Variants in DNAH6 observed in about 807,000 individuals in gnomAD.
DNAH6 encodes the protein dynein axonemal heavy chain 6.
A neutral mutation model predicts 491.4 loss-of-function variants in DNAH6; 340 were observed. That is an observed-to-expected ratio of 0.69 (90% CI 0.63 to 0.76). The LOEUF is 0.76. Ranked by LOEUF, DNAH6 falls within the 30% of genes least tolerant of loss-of-function variation. The pLI, the probability that DNAH6 is intolerant of heterozygous loss-of-function variation, is 0.00. For missense variants in DNAH6, 4,443 were observed against 4,972.2 expected (o/e 0.89, Z 3.20); for synonymous variants, 1,603 against 1,686.1 (o/e 0.95, Z 1.21).
intron 39 of DNAH6, among the ~76,000 whole-genome samples, chr2:84,670,773 TAAAC>T (rs1692662965): frequency 6.6e-6 from 1 of 152,212 alleles, no homozygotes; most frequent in Non-Finnish European, 1.5e-5. Flanking sequence ...TTATTTAAAA[TAAAC>T]AAACCTCTGT....
At chr2:84,472,011 C>A in the DNAH6 span, among the ~76,000 whole-genome samples, 1 of 150,290 alleles carries the variant, frequency 6.7e-6, no homozygotes, top group Non-Finnish European at 1.5e-5. Context: ...CCATATAATT[C>A]TTTCCTCTTT....
At chr2:84,780,593 C>T (rs1305543635) in intron 64 of DNAH6, among the ~76,000 whole-genome samples, 4 of 152,152 alleles carry the variant, frequency 2.6e-5, no homozygotes, top group African/African-American at 9.7e-5. Flanking sequence ...CATTGAGTTT[C>T]ATTGCCATCC....
At chr2:84,621,030 G>A (rs143804820) in intron 24 of DNAH6, among the ~76,000 whole-genome samples, 161 bp from the exon 25 acceptor site, 40 of 152,336 alleles carry the variant, frequency 2.6e-4, no homozygotes, top group African/African-American at 9.1e-4. Flanking sequence ...TAGGTGGGGT[G>A]AAAGGAGATA....
At chr2:84,763,597 T>C (rs1216859488) in intron 64 of DNAH6, among the ~76,000 whole-genome samples, 1 of 152,114 alleles carries the variant, frequency 6.6e-6, no homozygotes, top group Non-Finnish European at 1.5e-5. Flanking sequence ...GGTTCCTTCA[T>C]GGAGTGGCTG....
Position 84,670,316 on chromosome 2 carries a change from T to C in DNAH6, c.6307-12T>C, listed in dbSNP as rs1339319281. 6.7e-7 allele frequency: 1 copy of C among 1,495,214 alleles called. No individual in the cohort carries two copies. Among genetic ancestry groups the C allele is most frequent in the African/African-American group, 1.4e-5 (1 of 70,948 alleles). 92.6% of individuals were successfully genotyped at this position (1,495,214 alleles called of 1,614,324 possible). On this transcript the variant is annotated splice_polypyrimidine_tract_variant and intron_variant, in intron 38 of 76. Coordinates refer to ENST00000389394, the MANE Select transcript of DNAH6 (RefSeq NM_001370.2). ...TATTCATGTGACATTAATTAACTTA[T>C]TTTAATTTAAGTCTGTGATTGCAAA...
At chr2:84,619,054 C>T (rs1687143394) in intron 23 of DNAH6, among the ~76,000 whole-genome samples, 1 of 152,158 alleles carries the variant, frequency 6.6e-6, no homozygotes, top group South Asian at 2.1e-4. Context: ...ATTTCCTTTA[C>T]CTATCTTGCT....
At position 84,528,892 on chromosome 2, in the gene DNAH6, G is replaced by A; in HGVS notation, c.400-12G>A. ...GACTCATTTTTTTTTTTCAAAAATT[G>A]GCTTTGTTTAGATTCATCGGCCCTA... On this transcript the variant is annotated splice_polypyrimidine_tract_variant and intron_variant, in intron 3 of 76. Transcript: ENST00000389394. 6.7e-7 allele frequency: 1 copy of A among 1,489,516 alleles called. No homozygotes were observed. The highest frequency in any genetic ancestry group is 8.9e-7 in the Non-Finnish European group (1 of 1,119,298). 92.3% of individuals were successfully genotyped at this position (1,489,516 alleles called of 1,614,324 possible).
intron 69 of DNAH6, among the ~76,000 whole-genome samples, chr2:84,796,980 T>A (rs1312358369): frequency 6.6e-6 from 1 of 152,220 alleles, no homozygotes; most frequent in African/African-American, 2.4e-5. Flanking sequence ...AGATTAATTG[T>A]CCTGAGTGAT....
At chr2:84,748,858 G>C (rs769691844) in intron 63 of DNAH6, among the ~76,000 whole-genome samples, 1 of 152,204 alleles carries the variant, frequency 6.6e-6, no homozygotes, top group Non-Finnish European at 1.5e-5. Context: ...AGTTCTGCAA[G>C]CTGTACAAGT....
intron 37 of DNAH6, among the ~76,000 whole-genome samples, chr2:84,664,840 A>G (rs1238136149): frequency 6.6e-6 from 1 of 152,262 alleles, no homozygotes; most frequent in Non-Finnish European, 1.5e-5. Flanking sequence ...TTGGCCACAT[A>G]GGTGGAAGTA....
intron 29 of DNAH6, 89 bp downstream of exon 29, chr2:84,625,152 G>A (rs952715893): frequency 3.8e-5 from 46 of 1,203,398 alleles, no homozygotes; most frequent in Non-Finnish European, 4.7e-5. Context: ...AGGCAAGAAT[G>A]GAGTGATGAC....
chr2:84,629,306 C>T (rs1688174429), intron 29 of DNAH6, among the ~76,000 whole-genome samples: 1 of 152,126 alleles, frequency 6.6e-6, no homozygotes, highest in African/African-American at 2.4e-5. Context: ...GGTACATATA[C>T]GTATCATATT....
chr2:84,735,364 C>A (rs972143560), intron 62 of DNAH6, among the ~76,000 whole-genome samples: 14 of 152,028 alleles, frequency 9.2e-5, no homozygotes, highest in African/African-American at 3.4e-4. Flanking sequence ...AACATGAGTG[C>A]GGGTGTGTTT....
chr2:84,460,576 C>T, the DNAH6 span, among the ~76,000 whole-genome samples: 4 of 152,052 alleles, frequency 2.6e-5, no homozygotes, highest in Admixed American at 6.6e-5. Flanking sequence ...TCCATGAAGA[C>T]GGGGATTTTT....
chr2:84,787,070 A>G, intron 67 of DNAH6, 94 bp from the exon 68 acceptor site: 4 of 998,988 alleles, frequency 4.0e-6, no homozygotes, highest in Non-Finnish European at 4.3e-6. Context: ...GGGGATGCCC[A>G]TTTTCAATGG....
At chr2:84,677,286 A>T in intron 41 of DNAH6, 150 bp downstream of exon 41, 1 of 990,824 alleles carries the variant, frequency 1.0e-6, no homozygotes, top group Non-Finnish European at 1.5e-6. Flanking sequence ...GGACTCCTGG[A>T]GAGTAGCTGG....
At chr2:84,605,352 CAAAAAAAA>C (rs5832617) in intron 19 of DNAH6, 140 bp from the exon 20 acceptor site, 1 of 336,218 alleles carries the variant, frequency 3.0e-6, no homozygotes, top group Non-Finnish European at 5.2e-6. Context: ...GACTCTATCT[CAAAAAAAA>C]AAAAAAAAAA....
intron 2 of DNAH6, among the ~76,000 whole-genome samples, chr2:84,519,417 A>G (rs1488331008): frequency 2.6e-5 from 4 of 152,212 alleles, no homozygotes; most frequent in South Asian, 4.1e-4. Context: ...AAAAATAACA[A>G]GGAAAAAAGT....
chr2:84,528,718 G>A (rs1163766058), intron 3 of DNAH6, among the ~76,000 whole-genome samples, 186 bp from the exon 4 acceptor site: 2 of 152,096 alleles, frequency 1.3e-5, no homozygotes, highest in Non-Finnish European at 2.9e-5. Flanking sequence ...ATCTGGATAG[G>A]GAGTACTGAG....
Sources: gnomAD v4.1 joint callset for allele counts (sites outside exome capture counted in the v4.1 genomes callset) on GRCh38, gnomAD v4.1.1 for gene constraint, MANE v1.5 for transcripts, NCBI Gene and HGNC (gene_info 2026-07-23, HGNC 2026-07-21) for gene names.